Variants in MEMO1 observed in about 807,000 individuals in gnomAD.
The protein encoded by MEMO1 is mediator of cell motility 1.
MEMO1 carries 6 observed loss-of-function variants against 45.2 expected under a neutral mutation model. The observed-to-expected ratio is 0.13, with a 90% confidence interval of 0.07 to 0.26. The LOEUF (loss-of-function observed/expected upper bound fraction) is 0.26, where lower values mean the gene tolerates loss of function less well. Ranked by LOEUF, MEMO1 falls within the 10% of genes least tolerant of loss-of-function variation. The pLI, the probability that MEMO1 is intolerant of heterozygous loss-of-function variation, is 1.00. For missense variants in MEMO1, 184 were observed against 370.5 expected, an observed-to-expected ratio of 0.50 and a Z score of 4.13; for synonymous variants, 78 against 124.3, an observed-to-expected ratio of 0.63 and a Z score of 2.48.
chr2:31,964,996 T>C (rs1165181293), intron 2 of MEMO1, among the ~76,000 whole-genome samples: 1 of 151,950 alleles, frequency 6.6e-6, no homozygotes, highest in African/African-American at 2.4e-5. Flanking sequence ...GGTGGATCAC[T>C]TGAAGTCAGG....
chr2:31,934,328 T>A (rs550831957), intron 3 of MEMO1, among the ~76,000 whole-genome samples: 1 of 152,282 alleles, frequency 6.6e-6, no homozygotes, highest in East Asian at 1.9e-4. Flanking sequence ...CCTGTCTTTC[T>A]AGTCTGAGTC....
At chr2:31,877,478 T>A (rs1674724797) in intron 8 of MEMO1, among the ~76,000 whole-genome samples, 1 of 152,246 alleles carries the variant, frequency 6.6e-6, no homozygotes, top group African/African-American at 2.4e-5. Flanking sequence ...GCCTTAATTA[T>A]CTATACATTA....
chr2:31,887,502 G>A (rs1676368696), intron 7 of MEMO1, among the ~76,000 whole-genome samples: 1 of 152,106 alleles, frequency 6.6e-6, no homozygotes. Flanking sequence ...CAACAACCTT[G>A]TGAGATAAAT....
At chr2:31,973,748 T>TA (rs975161234) in intron 2 of MEMO1, among the ~76,000 whole-genome samples, 5 of 152,132 alleles carry the variant, frequency 3.3e-5, no homozygotes, top group Non-Finnish European at 5.9e-5. Context: ...ATCATTTATG[T>TA]AAAATATCCA....
intron 6 of MEMO1, 60 bp from the exon 7 acceptor site, chr2:31,892,194 A>C: frequency 6.9e-7 from 1 of 1,456,540 alleles, no homozygotes; most frequent in East Asian, 2.3e-5. Context: ...AAGTTTTCCA[A>C]ATGTGTTGGC....
chr2:31,994,536 A>G (rs1420471032), intron 2 of MEMO1, among the ~76,000 whole-genome samples: 8 of 151,768 alleles, frequency 5.3e-5, no homozygotes, highest in African/African-American at 1.9e-4. Flanking sequence ...AGGCTGAGGC[A>G]CAAGACATCA....
chr2:31,924,966 G>A (rs1223503045), intron 4 of MEMO1, among the ~76,000 whole-genome samples: 5 of 152,126 alleles, frequency 3.3e-5, no homozygotes, highest in African/African-American at 9.7e-5. Context: ...AGCCTTTTAT[G>A]GCATTTCATG....
chr2:31,905,325 C>A (rs1488666930), intron 6 of MEMO1, among the ~76,000 whole-genome samples: 1 of 152,130 alleles, frequency 6.6e-6, no homozygotes, highest in Admixed American at 6.6e-5. Flanking sequence ...GGTAAGCTAG[C>A]TGTCAATGAC....
At chr2:31,959,322 G>A (rs887159915) in intron 2 of MEMO1, among the ~76,000 whole-genome samples, 1 of 152,166 alleles carries the variant, frequency 6.6e-6, no homozygotes, top group African/African-American at 2.4e-5. Flanking sequence ...TAGAAAAAGT[G>A]AGTCCTGAGA....
At chr2:31,993,572 A>C (rs1045715021) in intron 2 of MEMO1, among the ~76,000 whole-genome samples, 3 of 152,218 alleles carry the variant, frequency 2.0e-5, no homozygotes, top group Non-Finnish European at 2.9e-5. Context: ...GAGAAGAGGA[A>C]GCTAAACAAC....
At chr2:31,899,126 T>C (rs1186592797) in intron 6 of MEMO1, among the ~76,000 whole-genome samples, 3 of 152,196 alleles carry the variant, frequency 2.0e-5, no homozygotes, top group African/African-American at 7.2e-5. Context: ...AAGTTATAGA[T>C]TCAATGCTAT....
intron 3 of MEMO1, among the ~76,000 whole-genome samples, chr2:31,934,089 T>C (rs1283709120): frequency 1.3e-5 from 2 of 152,190 alleles, no homozygotes; most frequent in African/African-American, 4.8e-5. Context: ...AGCTGGTCCA[T>C]CTGGATCTGC....
chr2:31,992,745 C>T (rs991361170), intron 2 of MEMO1, among the ~76,000 whole-genome samples: 1 of 152,058 alleles, frequency 6.6e-6, no homozygotes, highest in Non-Finnish European at 1.5e-5. Context: ...GATCGTGCCA[C>T]TGCACTCCAG....
At chr2:32,010,488 C>T (rs992151859) in intron 1 of MEMO1, 66 of 339,310 alleles carry the variant, frequency 1.9e-4, no homozygotes, top group African/African-American at 1.3e-3. Flanking sequence ...CTCCGGCGAC[C>T]GCCGGAAGAT....
rs569879936 is a variant in MEMO1, at chr2:31,931,921, T to C, written c.212+146A>G. ...AAGTATTGAAGTTTTCAGTAACCTA[T>C]ACAAAGTATAGTAAAATTCATCAAA... On this transcript the variant is annotated intron_variant, in intron 4 of 9. Transcript: ENST00000404530. The C allele has an allele frequency of 3.4e-5, 21 of 623,264 alleles. No homozygotes were observed. The East Asian group carries it at 5.9e-4, about 18-fold the overall frequency. 38.6% of individuals were successfully genotyped at this position (623,264 alleles called of 1,614,324 possible). A position where few individuals can be genotyped will look rare whatever the true frequency, so the allele number is the denominator to read the frequency against.
chr2:32,000,000 C>T (rs1465640140), intron 2 of MEMO1, among the ~76,000 whole-genome samples: 3 of 151,778 alleles, frequency 2.0e-5, no homozygotes, highest in Non-Finnish European at 4.4e-5. Flanking sequence ...CCTCAGCCTC[C>T]TGTGTAGCTG....
rs1199065638 is a variant in MEMO1, at chr2:31,923,699, GAA to G, written c.213-2791_213-2790del. 4.5e-6 allele frequency: 7 copies of G among 1,547,484 alleles called. No homozygotes were observed. The Admixed American group carries it at 1.2e-4, about 26-fold the overall frequency. On this transcript the variant is annotated intron_variant, in intron 4 of 9. Transcript: ENST00000404530. ...TGAGGAAAATATGAAAAGACAGAGA[GAA>G]AGGATATTTAACATCAGAGCACTCC...
chr2:31,983,647 T>C (rs1670927329), intron 2 of MEMO1, among the ~76,000 whole-genome samples: 1 of 152,280 alleles, frequency 6.6e-6, no homozygotes, highest in South Asian at 2.1e-4. Flanking sequence ...TTGGTCAGGC[T>C]GGTCTTGAAC....
intron 2 of MEMO1, among the ~76,000 whole-genome samples, chr2:31,985,629 A>G (rs1178366083): frequency 1.3e-5 from 2 of 152,298 alleles, no homozygotes; most frequent in East Asian, 1.9e-4. Flanking sequence ...CCCAGCCTAC[A>G]TACTTATTTT....
Sources: gnomAD v4.1 joint callset for allele counts (sites outside exome capture counted in the v4.1 genomes callset) on GRCh38, gnomAD v4.1.1 for gene constraint, MANE v1.5 for transcripts, NCBI Gene and HGNC (gene_info 2026-07-23, HGNC 2026-07-21) for gene names.